RGS7: variants seen among roughly 807,000 people sequenced by gnomAD.
The protein encoded by RGS7 is regulator of G protein signaling 7.
In RGS7, 27 loss-of-function variants were observed where a neutral mutation model predicts 81.1. The ratio of observed to expected loss-of-function variants is 0.33; its 90% CI spans 0.25 to 0.46. The LOEUF (loss-of-function observed/expected upper bound fraction) is 0.46. Among genes scored for constraint, RGS7 ranks in the 20% least tolerant of loss-of-function variants. RGS7 has a pLI of 1.00. For synonymous variants in RGS7, 208 were observed against 207.7 expected, an observed-to-expected ratio of 1.00 and a Z score of -0.01; for missense variants, 396 against 607.4, an observed-to-expected ratio of 0.65 and a Z score of 3.66.
chr1:240,952,681 G>T (rs1403497834), intron 4 of RGS7, among the ~76,000 whole-genome samples: 1 of 151,852 alleles, frequency 6.6e-6, no homozygotes, highest in Non-Finnish European at 1.5e-5. Flanking sequence ...TATGTAAGAA[G>T]AATCCACATA....
At chr1:240,976,636 A>G (rs1684101416) in intron 4 of RGS7, among the ~76,000 whole-genome samples, 1 of 152,108 alleles carries the variant, frequency 6.6e-6, no homozygotes, top group South Asian at 2.1e-4. Flanking sequence ...TTAAACATGA[A>G]TTCATGCCTA....
chr1:241,293,334 T>C (rs553125829), intron 2 of RGS7, among the ~76,000 whole-genome samples: 146 of 152,358 alleles, frequency 9.6e-4, no homozygotes, highest in Non-Finnish European at 1.8e-3. Context: ...TATACTATAC[T>C]TTTTATCATT....
At chr1:241,125,100 G>A (rs1045723559) in intron 2 of RGS7, among the ~76,000 whole-genome samples, 7 of 152,114 alleles carry the variant, frequency 4.6e-5, no homozygotes, top group South Asian at 2.1e-4. Flanking sequence ...GGTATATGTA[G>A]GATTGCTTTG....
chr1:241,236,825 T>C (rs2076005606), intron 2 of RGS7, among the ~76,000 whole-genome samples: 1 of 124,214 alleles, frequency 8.1e-6, no homozygotes, highest in Non-Finnish European at 1.8e-5. Context: ...AACATAATTC[T>C]AGGATCTATA....
chr1:241,011,341 T>A (rs979042538), intron 3 of RGS7, among the ~76,000 whole-genome samples: 1 of 152,116 alleles, frequency 6.6e-6, no homozygotes, highest in Non-Finnish European at 1.5e-5. Context: ...CCTCATAGAA[T>A]GGCAGAGAGC....
At chr1:240,842,985 A>G (rs1032028087) in intron 9 of RGS7, among the ~76,000 whole-genome samples, 3 of 151,860 alleles carry the variant, frequency 2.0e-5, no homozygotes, top group Non-Finnish European at 4.4e-5. Flanking sequence ...CAATATGGTG[A>G]AACCCCATCT....
At chr1:241,332,501 C>T (rs2082026697) in intron 2 of RGS7, among the ~76,000 whole-genome samples, 1 of 152,126 alleles carries the variant, frequency 6.6e-6, no homozygotes, top group South Asian at 2.1e-4. Context: ...ATGTGGACTC[C>T]TTCCCACTAA....
At chr1:241,082,048 A>G (rs2063164593) in intron 3 of RGS7, among the ~76,000 whole-genome samples, 1 of 152,342 alleles carries the variant, frequency 6.6e-6, no homozygotes, top group Non-Finnish European at 1.5e-5. Context: ...ATATTTATGT[A>G]TTTGGAAAGA....
chr1:241,024,114 A>C (rs2059675540), intron 3 of RGS7, among the ~76,000 whole-genome samples: 1 of 152,216 alleles, frequency 6.6e-6, no homozygotes, highest in Admixed American at 6.5e-5. Context: ...AAATAAGCTA[A>C]TTTATCCAGG....
intron 2 of RGS7, among the ~76,000 whole-genome samples, chr1:241,102,839 G>A (rs1033267278): frequency 1.3e-5 from 2 of 151,960 alleles, no homozygotes; most frequent in African/African-American, 4.8e-5. Context: ...GGTTGTCACA[G>A]TCACCAAGTC....
chr1:240,867,832 C>T lies in RGS7; in HGVS notation c.609+755G>A, dbSNP rs147179421. 2.5e-3 allele frequency among the ~76,000 whole-genome samples: 377 copies of T among 152,024 alleles called. 4 individuals carry two copies. Among genetic ancestry groups the T allele is most frequent in the African/African-American group, 8.2e-3 (340 of 41,480 alleles). Reference sequence around the variant, plus strand: ...CCTGGGCACCATGGCAAAACTCCATCTCTATCAAAAATACAAAAAATTAGC... The same window carrying T: ...CCTGGGCACCATGGCAAAACTCCATTTCTATCAAAAATACAAAAAATTAGC... On this transcript the variant is annotated intron_variant, in intron 9 of 18. Coordinates refer to ENST00000440928, the MANE Select transcript of RGS7 (RefSeq NM_001364886.1).
chr1:240,794,600 G>C (rs1465303128), intron 18 of RGS7, among the ~76,000 whole-genome samples: 1 of 152,162 alleles, frequency 6.6e-6, no homozygotes, highest in Non-Finnish European at 1.5e-5. Flanking sequence ...GTAAAGTCCA[G>C]AGTGTTCAGC....
At chr1:241,025,357 T>C (rs1035867268) in intron 3 of RGS7, among the ~76,000 whole-genome samples, 1 of 152,238 alleles carries the variant, frequency 6.6e-6, no homozygotes, top group African/African-American at 2.4e-5. Context: ...GCTTTATATG[T>C]ATTAGGCATT....
intron 3 of RGS7, among the ~76,000 whole-genome samples, chr1:241,098,419 ATT>A (rs2064455624): frequency 1.3e-5 from 2 of 152,300 alleles, no homozygotes; most frequent in African/African-American, 4.8e-5. Context: ...TTATTTTAAT[ATT>A]GTTTTACTTC....
chr1:241,269,461 T>C (rs565225632), intron 2 of RGS7, among the ~76,000 whole-genome samples: 2 of 152,362 alleles, frequency 1.3e-5, no homozygotes, highest in African/African-American at 2.4e-5. Context: ...TTTATCATAA[T>C]AGATTCTTCC....
At chr1:241,084,438 A>G (rs1163739218) in intron 3 of RGS7, among the ~76,000 whole-genome samples, 1 of 152,176 alleles carries the variant, frequency 6.6e-6, no homozygotes, top group Non-Finnish European at 1.5e-5. Context: ...TCCTATGTCT[A>G]TGCAATTGAA....
At position 240,988,319 on chromosome 1, in the gene RGS7, T is replaced by G. The variant is rs555403355; in HGVS notation, c.176-5190A>C. On this transcript the variant is annotated intron_variant, in intron 3 of 18. Transcript: ENST00000440928. ...CAATTATAATTTTAACTCAATTTAATTTAAAACACGGCAGAATTTCTTTAA... is the reference window on the plus strand; with the variant it reads ...CAATTATAATTTTAACTCAATTTAAGTTAAAACACGGCAGAATTTCTTTAA... 3.6e-4 allele frequency among the ~76,000 whole-genome samples: 55 copies of G among 151,812 alleles called. No homozygotes were observed. The South Asian group carries it at 0.011, about 31-fold the overall frequency.
chr1:241,337,264 C>T (rs985249171), intron 2 of RGS7, among the ~76,000 whole-genome samples: 1 of 152,114 alleles, frequency 6.6e-6, no homozygotes, highest in African/African-American at 2.4e-5. Context: ...CTTGTATCAT[C>T]CTTAGTTCAA....
At chr1:240,909,611 A>C (rs944604511) in intron 6 of RGS7, among the ~76,000 whole-genome samples, 6 of 152,240 alleles carry the variant, frequency 3.9e-5, no homozygotes, top group African/African-American at 1.4e-4. Context: ...GCTGGCTTAC[A>C]GAGCACAAGG....
Sources: gnomAD v4.1 joint callset for allele counts (sites outside exome capture counted in the v4.1 genomes callset) on GRCh38, gnomAD v4.1.1 for gene constraint, MANE v1.5 for transcripts, NCBI Gene and HGNC (gene_info 2026-07-23, HGNC 2026-07-21) for gene names.